Variants in INSR observed in about 807,000 individuals in gnomAD.
INSR encodes insulin receptor, also known as IR.
INSR carries 67 observed loss-of-function variants against 142.6 expected under a neutral mutation model. The ratio of observed to expected loss-of-function variants is 0.47; its 90% CI spans 0.39 to 0.58. The LOEUF (loss-of-function observed/expected upper bound fraction) is 0.58, where lower values mean the gene tolerates loss of function less well. INSR is among the 20% of genes least tolerant of loss of function. The pLI is 0.00. For missense variants in INSR, 1,248 were observed against 1,833.2 expected, an observed-to-expected ratio of 0.68 and a Z score of 5.83; for synonymous variants, 756 against 743.1, an observed-to-expected ratio of 1.02 and a Z score of -0.28.
At chr19:7,135,218 A>C (rs762575398) in intron 13 of INSR, among the ~76,000 whole-genome samples, 44 of 151,132 alleles carry the variant, frequency 2.9e-4, no homozygotes, top group South Asian at 6.3e-4. Context: ...TTCCAAGTGG[A>C]ATGAGTCACC....
At position 7,153,122 on chromosome 19, in the gene INSR, A is replaced by ACACAC. The variant is rs150852032; in HGVS notation, c.2030-200_2030-196dup. 6.0e-3 allele frequency among the ~76,000 whole-genome samples: 167 copies of ACACAC among 27,624 alleles called. 6 individuals carry two copies. Among genetic ancestry groups the ACACAC allele is most frequent in the Non-Finnish European group, 0.02 (126 of 6,150 alleles). The allele number at this position is 27,624 out of a possible 152,430, so 18.1% of individuals were successfully genotyped here. A position where few individuals can be genotyped will look rare whatever the true frequency, so the allele number is the denominator to read the frequency against. On this transcript the variant is annotated intron_variant, in intron 9 of 21. Coordinates refer to ENST00000302850, the MANE Select transcript of INSR (RefSeq NM_000208.4). ...ACACACCACAAACACACAACCACAC[A>ACACAC]CACACACCACACACCACACACACCA...
intron 2 of INSR, among the ~76,000 whole-genome samples, chr19:7,206,375 G>T (rs948719116): frequency 6.6e-6 from 1 of 152,188 alleles, no homozygotes; most frequent in Non-Finnish European, 1.5e-5. Context: ...GTTTGGCCAT[G>T]TTGCCCAGTC....
chr19:7,171,710 C>T (rs966175185), intron 5 of INSR, among the ~76,000 whole-genome samples: 1 of 152,128 alleles, frequency 6.6e-6, no homozygotes, highest in Non-Finnish European at 1.5e-5. Flanking sequence ...AGCCTGTACC[C>T]TTGGAGGATG....
At chr19:7,240,320 T>C (rs1339442396) in intron 2 of INSR, among the ~76,000 whole-genome samples, 1 of 152,064 alleles carries the variant, frequency 6.6e-6, no homozygotes, top group East Asian at 1.9e-4. Flanking sequence ...TGGTGGCTCA[T>C]GCCTGTAATC....
At chr19:7,204,280 C>G (rs1185947721) in intron 2 of INSR, among the ~76,000 whole-genome samples, 1 of 152,032 alleles carries the variant, frequency 6.6e-6, no homozygotes, top group African/African-American at 2.4e-5. Context: ...GTCTCGAACT[C>G]CTGACCTCAG....
At chr19:7,272,726 A>G (rs1568232408) in intron 1 of INSR, among the ~76,000 whole-genome samples, 1 of 152,288 alleles carries the variant, frequency 6.6e-6, no homozygotes, top group East Asian at 1.9e-4. Flanking sequence ...AACCACAGAC[A>G]TGCACCACCA....
intron 2 of INSR, among the ~76,000 whole-genome samples, chr19:7,196,171 G>C (rs953180648): frequency 6.6e-6 from 1 of 152,116 alleles, no homozygotes; most frequent in African/African-American, 2.4e-5. Flanking sequence ...CTGACCTCAG[G>C]TGATCCGCCC....
rs773306845 is a variant in INSR at position 7,117,054 on chromosome 19, T to C, written c.*2A>G. On this transcript the variant is annotated 3_prime_UTR_variant, in exon 22 of 22. Coordinates refer to ENST00000302850, the MANE Select transcript of INSR (RefSeq NM_000208.4). ...TGCCCGCCCCCGCCACGGTAGGCAC[T>C]GTTAGGAAGGATTGGACCGAGGCAA... The C allele has an allele frequency of 8.1e-6, 13 of 1,608,504 alleles. No homozygotes were observed. Among genetic ancestry groups the C allele is most frequent in the Non-Finnish European group, 1.1e-5 (13 of 1,176,128 alleles).
At chr19:7,155,327 G>A (rs1973561747) in intron 9 of INSR, among the ~76,000 whole-genome samples, 1 of 152,068 alleles carries the variant, frequency 6.6e-6, no homozygotes, top group East Asian at 1.9e-4. Context: ...TTGAGGTCAG[G>A]AGTTCGAGAC....
In INSR at chr19:7,289,594, T is replaced by TG. The variant is rs1252470605; in HGVS notation, c.100+4197dup. ...CTAATTTTTGCATTTTTAGTAGAGATGGGGTTTCACCATGTTGGCCAGGGT... is the reference window on the plus strand; with the variant it reads ...CTAATTTTTGCATTTTTAGTAGAGATGGGGGTTTCACCATGTTGGCCAGGGT... On this transcript the variant is annotated intron_variant, in intron 1 of 21. Transcript: ENST00000302850. 2.0e-5 allele frequency among the ~76,000 whole-genome samples: 3 copies of TG among 151,782 alleles called. No individual in the cohort carries two copies. In the East Asian group the frequency reaches 5.8e-4, roughly 29 times the overall value.
chr19:7,184,698 A>G (rs560871125), intron 2 of INSR, 61 bp from the exon 3 acceptor site: 1 of 1,185,850 alleles, frequency 8.4e-7, no homozygotes, highest in South Asian at 2.1e-5. Flanking sequence ...AAATAAATAA[A>G]TAAATAAATG....
intron 1 of INSR, among the ~76,000 whole-genome samples, chr19:7,271,327 C>G (rs1045031489): frequency 1.3e-5 from 2 of 152,012 alleles, no homozygotes; most frequent in Non-Finnish European, 2.9e-5. Context: ...GAAACCCCGT[C>G]TCTACTAAAA....
chr19:7,183,156 C>T (rs1281641953), intron 3 of INSR, among the ~76,000 whole-genome samples: 2 of 152,076 alleles, frequency 1.3e-5, no homozygotes. Context: ...CCAACACTCT[C>T]GCTTGGCTAA....
chr19:7,268,351 T>C, intron 1 of INSR: 1 of 825,556 alleles, frequency 1.2e-6, no homozygotes, highest in Admixed American at 6.2e-5. Flanking sequence ...CCCACCTCGC[T>C]GGCTGACTTT....
At chr19:7,146,451 A>G (rs1973190259) in intron 11 of INSR, among the ~76,000 whole-genome samples, 1 of 151,992 alleles carries the variant, frequency 6.6e-6, no homozygotes, top group Non-Finnish European at 1.5e-5. Flanking sequence ...CATGTTGACC[A>G]GAATGTTCTC....
chr19:7,150,908 CCTTTT>C lies in INSR; in HGVS notation c.2232-381_2232-377del, dbSNP rs1444864223. The stretch of plus-strand genomic sequence containing the variant: ...TCTTTCTGGTTTCTTTCCTCTTTCT[CCTTTT>C]CTTTTCTCTTTCTCTTTTCTCTCTC... On this transcript the variant is annotated intron_variant, in intron 10 of 21. Coordinates refer to ENST00000302850, the MANE Select transcript of INSR (RefSeq NM_000208.4). This position sits in a 1 kb window ranked among gnomAD's most constrained non-coding sequence, Gnocchi z 4.2. Among the ~76,000 whole-genome samples the C allele has an allele frequency of 1.4e-4, 21 of 152,046 alleles. No individual in the cohort carries two copies. In the East Asian group the frequency reaches 2.9e-3, roughly 21 times the overall value.
rs182204116 is a variant in INSR, at chr19:7,215,465, A to G, written c.653-30828T>C. ...AGTCCTCTCTCGGTTCCACTTCAGG[A>G]TGACTCGAAAGACAGAAAAAGACTC... On this transcript the variant is annotated intron_variant, in intron 2 of 21. Coordinates refer to ENST00000302850, the MANE Select transcript of INSR (RefSeq NM_000208.4). Among the ~76,000 whole-genome samples, 3 of 151,724 alleles carry G rather than the reference A, an allele frequency of 2.0e-5. No homozygotes were observed. The East Asian group carries it at 5.8e-4, about 29-fold the overall frequency.
At chr19:7,273,644 G>A (rs1967985026) in intron 1 of INSR, among the ~76,000 whole-genome samples, 1 of 150,800 alleles carries the variant, frequency 6.6e-6, no homozygotes, top group Non-Finnish European at 1.5e-5. Context: ...TCAGCCTCCC[G>A]AGTAGCTGGG....
chr19:7,177,793 C>T (rs1401987114), intron 3 of INSR, among the ~76,000 whole-genome samples: 3 of 150,768 alleles, frequency 2.0e-5, no homozygotes, highest in African/African-American at 2.4e-5. Context: ...GTGATCCACC[C>T]GCCTCGGCCT....
Sources: allele counts gnomAD v4.1 joint callset (sites outside exome capture counted in the v4.1 genomes callset), GRCh38; gene constraint gnomAD v4.1.1; non-coding constraint Gnocchi (gnomAD v3.1); transcripts MANE v1.5; gene names NCBI Gene and HGNC (gene_info 2026-07-23, HGNC 2026-07-21).